CCDC136: variants seen among roughly 807,000 people sequenced by gnomAD.
CCDC136 encodes the protein coiled-coil domain-containing protein 136.
CCDC136 carries 100 observed loss-of-function variants against 141.2 expected under a neutral mutation model. That is an observed-to-expected ratio of 0.71 (90% CI 0.60 to 0.84). The LOEUF is 0.84. CCDC136 is among the 40% of genes least tolerant of loss of function. The pLI is 0.00. For missense variants in CCDC136, 1,206 were observed against 1,379.4 expected, an observed-to-expected ratio of 0.87 and a Z score of 1.99; for synonymous variants, 474 against 531.9, an observed-to-expected ratio of 0.89 and a Z score of 1.50.
At chr7:128,814,505 C>T (rs1240863589) in intron 14 of CCDC136, 133 bp from the exon 15 acceptor site, 4 of 584,698 alleles carry the variant, frequency 6.8e-6, no homozygotes, top group Non-Finnish European at 1.2e-5. Flanking sequence ...TCTTTATTGT[C>T]TACTTCCTAT....
At chr7:128,800,799 CTG>C (rs1200954297) in intron 3 of CCDC136, among the ~76,000 whole-genome samples, 5 of 152,274 alleles carry the variant, frequency 3.3e-5, no homozygotes, top group African/African-American at 1.2e-4. Flanking sequence ...TGAAAATAGT[CTG>C]TATACATTTT....
chr7:128,799,173 A>T (rs76248502), intron 3 of CCDC136, among the ~76,000 whole-genome samples: 493 of 56,344 alleles, frequency 8.7e-3, no homozygotes, highest in African/African-American at 0.051. Flanking sequence ...TCTCTACATT[A>T]AAAAAAAAAA....
At position 128,794,545 on chromosome 7, in the gene CCDC136, C is replaced by T; in HGVS notation, c.214C>T (p.Leu72=). ...RAQVLQLVAE[L]EETRELAGQH... ...TCAGGTGCTGCAGCTGGTGGCAGAA[C>T]TGGAGGAGACCCGGGAACTGGCAGG... Residue 72 remains leucine (L), a synonymous_variant, in exon 2 of 18, where the codon CTG becomes TTG. Transcript: ENST00000297788. This position sits in a 1 kb window ranked among gnomAD's most constrained non-coding sequence, Gnocchi z 4.3. 3 of 1,555,724 alleles carry T rather than the reference C, an allele frequency of 1.9e-6. No homozygotes were observed. The highest frequency in any genetic ancestry group is 2.6e-6 in the Non-Finnish European group (3 of 1,149,428).
intron 3 of CCDC136, among the ~76,000 whole-genome samples, chr7:128,799,362 C>G (rs1803628059): frequency 6.6e-6 from 1 of 151,568 alleles, no homozygotes; most frequent in Non-Finnish European, 1.5e-5. Flanking sequence ...AGGAAAACCC[C>G]CCAAACCCCA....
At position 128,808,782 on chromosome 7, in the gene CCDC136, C is replaced by G. The variant is rs78527873; in HGVS notation, c.1606-668C>G. The G allele has an allele frequency of 2.6e-3, 2,593 of 985,296 alleles. 26 individuals carry two copies. The South Asian group carries it at 0.034, about 13-fold the overall frequency. 61.0% of individuals were successfully genotyped at this position (985,296 alleles called of 1,614,324 possible). A position where few individuals can be genotyped will look rare whatever the true frequency, so the allele number is the denominator to read the frequency against. On this transcript the variant is annotated intron_variant, in intron 10 of 17. Coordinates refer to ENST00000297788, the MANE Select transcript of CCDC136 (RefSeq NM_022742.5). Reference sequence around the variant, plus strand: ...GAGCCCAGGTGATCTGTGACTTGCTCGTCACCTCTTCCCCTAATGGGAAAA... The same window carrying G: ...GAGCCCAGGTGATCTGTGACTTGCTGGTCACCTCTTCCCCTAATGGGAAAA...
chr7:128,816,280 A>G (rs1806617209), intron 16 of CCDC136, among the ~76,000 whole-genome samples: 1 of 152,252 alleles, frequency 6.6e-6, no homozygotes, highest in Non-Finnish European at 1.5e-5. Flanking sequence ...CAGGAAGGAC[A>G]TTGACAGTGT....
At position 128,815,661 on chromosome 7, in the gene CCDC136, T is replaced by C; in HGVS notation, c.3093T>C (p.Asp1031=). 12 of 1,555,178 alleles carry C rather than the reference T, an allele frequency of 7.7e-6. No homozygotes were observed. Among genetic ancestry groups the C allele is most frequent in the Non-Finnish European group, 1.0e-5 (12 of 1,149,348 alleles). ...LYYKASQRKL[D]GLAKEEEKKE... is the part of the protein sequence containing the mutation. ...ACAAGGCCAGCCAGAGGAAATTAGA[T>C]GGACTAGCAAAAGAGGAGGAAAAGA... is the stretch of plus-strand genomic sequence containing the variant. Residue 1031 remains aspartate, a synonymous_variant, in exon 16 of 18, where the codon GAT becomes GAC. Transcript: ENST00000297788.
rs1396729444 is a variant in CCDC136 at position 128,806,463 on chromosome 7, G to T, written c.1248+68G>T. 7 of 1,419,062 alleles carry T rather than the reference G, an allele frequency of 4.9e-6. No individual in the cohort carries two copies. The African/African-American group carries it at 1.0e-4, about 20-fold the overall frequency. 87.9% of individuals were successfully genotyped at this position (1,419,062 alleles called of 1,614,324 possible). A position where few individuals can be genotyped will look rare whatever the true frequency, so the allele number is the denominator to read the frequency against. On this transcript the variant is annotated intron_variant, in intron 8 of 17. Coordinates refer to ENST00000297788, the MANE Select transcript of CCDC136 (RefSeq NM_022742.5). ...GCATCCTTCTGAGGTTTTGGGGAAG[G>T]TGGATAAGAGTAGTGAGTTAAAAAT... is the stretch of plus-strand genomic sequence containing the variant.
Position 128,792,280 on chromosome 7 carries a change from G to T in CCDC136, c.-132G>T. The T allele has an allele frequency of 7.5e-7, 1 of 1,334,790 alleles. No individual in the cohort carries two copies. 82.7% of individuals were successfully genotyped at this position (1,334,790 alleles called of 1,614,324 possible). Reference sequence around the variant, plus strand: ...TCCTCTGCACCCCAGCCCGCAGCCAGCCCCCCACCCCCCAGCCCCTCCTTT... The same window carrying T: ...TCCTCTGCACCCCAGCCCGCAGCCATCCCCCCACCCCCCAGCCCCTCCTTT... On this transcript the variant is annotated 5_prime_UTR_variant, in exon 1 of 18. Transcript: ENST00000297788.
chr7:128,800,015 G>T (rs1803754500), intron 3 of CCDC136, among the ~76,000 whole-genome samples: 1 of 152,144 alleles, frequency 6.6e-6, no homozygotes, highest in Admixed American at 6.5e-5. Context: ...GATATGTAAA[G>T]TAAAAACCTT....
In CCDC136 at chr7:128,816,848, T is replaced by A. The variant is rs554612042; in HGVS notation, c.3364-910T>A. ...AGCCTCTTGTGGTGGGATTATCCAG[T>A]CAACTCTGAGGATATCTGGAATTTC... is the stretch of plus-strand genomic sequence containing the variant. On this transcript the variant is annotated intron_variant, in intron 16 of 17. Coordinates refer to ENST00000297788, the MANE Select transcript of CCDC136 (RefSeq NM_022742.5). Among the ~76,000 whole-genome samples, 6 of 152,316 alleles carry A rather than the reference T, an allele frequency of 3.9e-5. No individual in the cohort carries two copies. The South Asian group carries it at 1.2e-3, about 32-fold the overall frequency.
Position 128,805,224 on chromosome 7 carries a change from A to T in CCDC136, c.783-135A>T. The T allele has an allele frequency of 1.4e-6, 1 of 715,752 alleles. No individual in the cohort carries two copies. The highest frequency in any genetic ancestry group is 2.4e-6 in the Non-Finnish European group (1 of 419,492). The allele number at this position is 715,752 out of a possible 1,614,324, so 44.3% of individuals were successfully genotyped here. ...TTTCTGTAGTCTTTTAAGCATGTTT[A>T]TCTGAGCGGTGAGTCACAATAGAAG... On this transcript the variant is annotated intron_variant, in intron 5 of 17. Coordinates refer to ENST00000297788, the MANE Select transcript of CCDC136 (RefSeq NM_022742.5). The surrounding 1 kb of genome is among the most constrained non-coding windows in gnomAD (Gnocchi z 4.6).
intron 3 of CCDC136, among the ~76,000 whole-genome samples, chr7:128,796,735 A>ATTTT (rs1562903685): frequency 1.7e-5 from 2 of 120,068 alleles, no homozygotes; most frequent in African/African-American, 4.3e-5. Flanking sequence ...ATATATATAT[A>ATTTT]TATATTCTTT....
At chr7:128,812,967 C>A in intron 14 of CCDC136, 38 bp downstream of exon 14, 1 of 1,434,550 alleles carries the variant, frequency 7.0e-7, no homozygotes, top group Non-Finnish European at 9.6e-7. Context: ...CCTCTGGCAG[C>A]CCCTGGAGCC....
At position 128,812,715 on chromosome 7, in the gene CCDC136, A is replaced by T; in HGVS notation, c.2549A>T (p.Glu850Val). Residue 850 changes from glutamate (E) to valine (V), a missense_variant, in exon 14 of 18, where the codon GAG becomes GTG. Transcript: ENST00000297788. ...CTCCCCCACCCCCCGCAGCGCTTTGAGGAAATGGTTGTGAAAGTGCTGATC... is the reference window on the plus strand; with the variant it reads ...CTCCCCCACCCCCCGCAGCGCTTTGTGGAAATGGTTGTGAAAGTGCTGATC... ...PAEPEDMERF[E>V]EMVVKVLIKL... 1 of 1,612,456 alleles carries T rather than the reference A, an allele frequency of 6.2e-7. No homozygotes were observed. Among genetic ancestry groups the T allele is most frequent in the Non-Finnish European group, 8.5e-7 (1 of 1,179,576 alleles).
chr7:128,797,649 G>C (rs1803244434), intron 3 of CCDC136, among the ~76,000 whole-genome samples: 1 of 152,192 alleles, frequency 6.6e-6, no homozygotes, highest in African/African-American at 2.4e-5. Context: ...CGATTGGATT[G>C]GGTTTGGAGA....
chr7:128,807,645 G>A (rs959231194), intron 10 of CCDC136, 100 bp downstream of exon 10: 2 of 704,114 alleles, frequency 2.8e-6, no homozygotes, highest in Admixed American at 8.5e-5. Context: ...GGGCTTGATG[G>A]CCTTCCTAGG....
At position 128,812,753 on chromosome 7, in the gene CCDC136, G is replaced by T; in HGVS notation, c.2587G>T (p.Val863Leu). 6.2e-7 allele frequency: 1 copy of T among 1,613,538 alleles called. No individual in the cohort carries two copies. Among genetic ancestry groups the T allele is most frequent in the East Asian group, 2.2e-5 (1 of 44,842 alleles). The change falls in exon 14 of 18, where the codon GTG becomes TTG. Residue 863 changes from valine to leucine, a missense_variant. Coordinates refer to ENST00000297788, the MANE Select transcript of CCDC136 (RefSeq NM_022742.5). ...VVKVLIKLQA[V>L]QAMYQISQEE... is the part of the protein sequence containing the mutation. ...GAAAGTGCTGATCAAGCTGCAGGCGGTGCAGGCCATGTACCAGATAAGCCA... is the reference window on the plus strand; with the variant it reads ...GAAAGTGCTGATCAAGCTGCAGGCGTTGCAGGCCATGTACCAGATAAGCCA...
chr7:128,805,127 AAACT>A lies in CCDC136; in HGVS notation c.783-227_783-224del, dbSNP rs1314178602. ...GTGGGCTTGACTAGGCCTAGCCTCAAAACTAACTGGACTGGCACTCTAAGGGTCT... is the reference window on the plus strand; with the variant it reads ...GTGGGCTTGACTAGGCCTAGCCTCAAAACTGGACTGGCACTCTAAGGGTCT... On this transcript the variant is annotated intron_variant, in intron 5 of 17. Transcript: ENST00000297788. This position sits in a 1 kb window ranked among gnomAD's most constrained non-coding sequence, Gnocchi z 4.6. 6.6e-6 allele frequency among the ~76,000 whole-genome samples: 1 copy of A among 152,182 alleles called. No individual in the cohort carries two copies. The highest frequency in any genetic ancestry group is 2.4e-5 in the African/African-American group (1 of 41,426).
Sources: allele counts gnomAD v4.1 joint callset (sites outside exome capture counted in the v4.1 genomes callset), GRCh38; gene constraint gnomAD v4.1.1; non-coding constraint Gnocchi (gnomAD v3.1); transcripts MANE v1.5; gene names NCBI Gene and HGNC (gene_info 2026-07-23, HGNC 2026-07-21).